LRRC8C: variants seen among roughly 807,000 people sequenced by gnomAD.
The protein encoded by LRRC8C is leucine rich repeat containing 8 VRAC subunit C, also known as volume-regulated anion channel subunit LRRC8C.
Under a neutral mutation model 55.3 loss-of-function variants are expected in LRRC8C, and 20 were observed. That is an observed-to-expected ratio of 0.36 (90% CI 0.25 to 0.53). The LOEUF is 0.53. LRRC8C is among the 20% of genes least tolerant of loss of function. The pLI, the probability that LRRC8C is intolerant of heterozygous loss-of-function variation, is 0.92. For missense variants in LRRC8C, 659 were observed against 951.4 expected (o/e 0.69, Z 4.04); for synonymous variants, 376 against 360.7 (o/e 1.04, Z -0.48).
intron 1 of LRRC8C, among the ~76,000 whole-genome samples, chr1:89,672,777 AC>A (rs1362744505): frequency 6.9e-6 from 1 of 145,832 alleles, no homozygotes; most frequent in Non-Finnish European, 1.5e-5. Context: ...TTCTTCGTTG[AC>A]TGGATATTTA....
At chr1:89,642,068 A>T (rs1043497393) in intron 1 of LRRC8C, among the ~76,000 whole-genome samples, 34 of 152,200 alleles carry the variant, frequency 2.2e-4, no homozygotes, top group African/African-American at 8.0e-4. Context: ...CACTAGAAGT[A>T]ATTTTTATAG....
chr1:89,626,504 A>C, the LRRC8C span: 1 of 152,192 alleles, frequency 6.6e-6, no homozygotes, highest in Admixed American at 6.5e-5. Flanking sequence ...TAGGATATAT[A>C]CCACTTTTGT....
At chr1:89,697,265 C>A (rs545685148) in intron 2 of LRRC8C, among the ~76,000 whole-genome samples, 33 of 152,304 alleles carry the variant, frequency 2.2e-4, no homozygotes, top group Admixed American at 3.3e-4. Context: ...CTAAAATAAT[C>A]ATTTAAAAAT....
At chr1:89,675,071 T>A (rs1657515819) in intron 1 of LRRC8C, among the ~76,000 whole-genome samples, 1 of 152,220 alleles carries the variant, frequency 6.6e-6, no homozygotes, top group African/African-American at 2.4e-5. Flanking sequence ...ACAGTTTGTA[T>A]AAGTACCAGT....
chr1:89,702,823 A>G (rs1401150931), intron 2 of LRRC8C, among the ~76,000 whole-genome samples: 1 of 152,246 alleles, frequency 6.6e-6, no homozygotes, highest in African/African-American at 2.4e-5. Context: ...AAATTTAGAA[A>G]TCTTGGAAAT....
intron 2 of LRRC8C, among the ~76,000 whole-genome samples, chr1:89,690,558 A>G (rs185239444): frequency 1.5e-5 from 2 of 132,366 alleles, no homozygotes; most frequent in Admixed American, 1.6e-4. Flanking sequence ...GAAAAGAGAA[A>G]GAACACAGAA....
intron 1 of LRRC8C, among the ~76,000 whole-genome samples, chr1:89,678,824 T>C (rs1457249639): frequency 6.6e-6 from 1 of 152,100 alleles, no homozygotes; most frequent in Admixed American, 6.5e-5. Context: ...ACTGGAAAGA[T>C]AGACTTGCTA....
chr1:89,656,474 C>G (rs938790522), intron 1 of LRRC8C, among the ~76,000 whole-genome samples: 13 of 152,104 alleles, frequency 8.5e-5, no homozygotes, highest in Non-Finnish European at 1.5e-4. Context: ...TGAGTAAGCT[C>G]AAAGAGTCAC....
chr1:89,633,023 T>C (rs1656156157), upstream of LRRC8C: 1 of 151,810 alleles, frequency 6.6e-6, no homozygotes, highest in Non-Finnish European at 1.5e-5. Context: ...TGGGCGGCGC[T>C]GGCTGCCGCT....
chr1:89,665,914 A>G (rs115641893), intron 1 of LRRC8C, among the ~76,000 whole-genome samples: 15 of 152,212 alleles, frequency 9.9e-5, no homozygotes, highest in Non-Finnish European at 1.6e-4. Context: ...TACCTTTCCT[A>G]TGTTTCGATA....
upstream of LRRC8C, among the ~76,000 whole-genome samples, chr1:89,628,347 C>T (rs957746429): frequency 2.0e-5 from 3 of 152,104 alleles, no homozygotes; most frequent in Non-Finnish European, 4.4e-5. Flanking sequence ...ACACAGGAGC[C>T]TTCAGAATGA....
chr1:89,706,374 T>G (rs1320621641), intron 2 of LRRC8C: 1 of 455,694 alleles, frequency 2.2e-6, no homozygotes, highest in Non-Finnish European at 4.4e-6. Context: ...CATGCAAATG[T>G]GGTACCTTTT....
At chr1:89,677,033 T>C (rs1657571003) in intron 1 of LRRC8C, among the ~76,000 whole-genome samples, 1 of 152,196 alleles carries the variant, frequency 6.6e-6, no homozygotes, top group Non-Finnish European at 1.5e-5. Flanking sequence ...CTGTGGAAAC[T>C]GTCATGTAAA....
At chr1:89,625,514 T>A in the LRRC8C span, among the ~76,000 whole-genome samples, 1 of 152,092 alleles carries the variant, frequency 6.6e-6, no homozygotes, top group East Asian at 1.9e-4. Flanking sequence ...GACAAAAATA[T>A]GAGTGGATTC....
intron 1 of LRRC8C, among the ~76,000 whole-genome samples, chr1:89,633,543 A>G (rs1378010408): frequency 6.6e-6 from 1 of 152,048 alleles, no homozygotes; most frequent in Non-Finnish European, 1.5e-5. Context: ...ACCCCACCCA[A>G]TCCGCGCTAG....
chr1:89,617,618 T>A, the LRRC8C span, among the ~76,000 whole-genome samples: 1 of 152,194 alleles, frequency 6.6e-6, no homozygotes, highest in South Asian at 2.1e-4. Flanking sequence ...TGTTTCCACC[T>A]CAACTGAATT....
intron 1 of LRRC8C, among the ~76,000 whole-genome samples, chr1:89,672,788 A>G (rs1051009202): frequency 9.4e-6 from 1 of 106,088 alleles, no homozygotes; most frequent in Non-Finnish European, 2.3e-5. Flanking sequence ...CTGGATATTT[A>G]TTTATTTATT....
At chr1:89,696,175 G>T (rs551986633) in intron 2 of LRRC8C, among the ~76,000 whole-genome samples, 1 of 152,180 alleles carries the variant, frequency 6.6e-6, no homozygotes. Flanking sequence ...TCTCCCAGAA[G>T]ACTTTGCAGG....
intron 2 of LRRC8C, among the ~76,000 whole-genome samples, chr1:89,699,057 AAAAT>A (rs1409767306): frequency 5.6e-4 from 85 of 152,338 alleles, no homozygotes; most frequent in African/African-American, 1.8e-3. Flanking sequence ...TAAAAAATAA[AAAAT>A]AAACGGTCAA....
Sources: allele counts gnomAD v4.1 joint callset (sites outside exome capture counted in the v4.1 genomes callset), GRCh38; gene constraint gnomAD v4.1.1; transcripts MANE v1.5; gene names NCBI Gene and HGNC (gene_info 2026-07-23, HGNC 2026-07-21).